The following TNFSF15 variants were observed in gnomAD, a reference collection of about 807,000 sequenced individuals.
TNFSF15 encodes the protein tumor necrosis factor ligand superfamily member 15.
A neutral mutation model predicts 26.4 loss-of-function variants in TNFSF15; 15 were observed. The observed-to-expected ratio is 0.57, with a 90% CI of 0.38 to 0.87. The LOEUF is 0.87. TNFSF15 is among the 40% of genes least tolerant of loss of function. The pLI is 0.00. For synonymous variants in TNFSF15, 116 were observed against 115.0 expected (o/e 1.01, Z -0.06); for missense variants, 290 against 306.1 (o/e 0.95, Z 0.39).
chr9:114,794,962 T>C (rs2131304297), intron 1 of TNFSF15, among the ~76,000 whole-genome samples: 1 of 152,252 alleles, frequency 6.6e-6, no homozygotes, highest in Middle Eastern at 3.4e-3. Flanking sequence ...AGTTCTAATG[T>C]TTGGTAGCAG....
rs115384832 is a variant in TNFSF15, at chr9:114,797,349, A to C, written c.211-3781T>G. Among the ~76,000 whole-genome samples the C allele has an allele frequency of 2.5e-3, 379 of 152,310 alleles. 1 individual carries two copies. Among genetic ancestry groups the C allele is most frequent in the African/African-American group, 8.6e-3 (357 of 41,572 alleles). On this transcript the variant is annotated intron_variant, in intron 1 of 3. Coordinates refer to ENST00000374045, the MANE Select transcript of TNFSF15 (RefSeq NM_005118.4). ...TGCCACTAAACATCTGGAGGTGGTGACCAAGCCTGTTGGCAGATATTGAAG... is the reference window on the plus strand; with the variant it reads ...TGCCACTAAACATCTGGAGGTGGTGCCCAAGCCTGTTGGCAGATATTGAAG...
intron 3 of TNFSF15, chr9:114,792,146 T>C: frequency 2.1e-6 from 1 of 474,926 alleles, no homozygotes; most frequent in Non-Finnish European, 3.8e-6. Flanking sequence ...ATCGCAAAAA[T>C]ATGGAATCAA....
chr9:114,791,127 C>A, intron 3 of TNFSF15: 1 of 608,884 alleles, frequency 1.6e-6, no homozygotes, highest in Non-Finnish European at 2.9e-6. Flanking sequence ...AATTACTTTG[C>A]CTTTCTGAGA....
chr9:114,793,074 A>G (rs963905988), intron 2 of TNFSF15, among the ~76,000 whole-genome samples: 2 of 152,204 alleles, frequency 1.3e-5, no homozygotes, highest in African/African-American at 4.8e-5. Context: ...GCATGGTCTA[A>G]TTACAGTTAT....
intron 3 of TNFSF15, chr9:114,792,134 C>T (rs1829609309): frequency 4.3e-6 from 2 of 462,450 alleles, no homozygotes; most frequent in Non-Finnish European, 7.8e-6. Flanking sequence ...GCACTATTCA[C>T]AATCGCAAAA....
At chr9:114,793,839 C>T (rs747953546) in intron 1 of TNFSF15, among the ~76,000 whole-genome samples, 3 of 152,158 alleles carry the variant, frequency 2.0e-5, no homozygotes, top group Non-Finnish European at 2.9e-5. Context: ...GAGATTTTCT[C>T]GTTCTATTCT....
At chr9:114,791,214 C>T in intron 3 of TNFSF15, 1 of 515,576 alleles carries the variant, frequency 1.9e-6, no homozygotes, top group South Asian at 3.2e-5. Flanking sequence ...TTAAGGAATC[C>T]CCCTATTCTT....
Position 114,787,752 on chromosome 9 carries a change from C to A in TNFSF15, c.*2700G>T, listed in dbSNP as rs1829530720. 6.5e-6 allele frequency: 1 copy of A among 153,672 alleles called. No individual in the cohort carries two copies. Among genetic ancestry groups the A allele is most frequent in the South Asian group, 2.1e-4 (1 of 4,832 alleles). 9.5% of individuals were successfully genotyped at this position (153,672 alleles called of 1,614,324 possible). A position where few individuals can be genotyped will look rare whatever the true frequency, so the allele number is the denominator to read the frequency against. On this transcript the variant is annotated 3_prime_UTR_variant, in exon 4 of 4. Coordinates refer to ENST00000374045, the MANE Select transcript of TNFSF15 (RefSeq NM_005118.4). ...GCCCTATTAGGAATGTCTGACTGTG[C>A]CTTTCCGTAAAAAATATACTATACA...
chr9:114,802,345 C>T (rs1312928770), intron 1 of TNFSF15, among the ~76,000 whole-genome samples: 2 of 152,100 alleles, frequency 1.3e-5, no homozygotes, highest in African/African-American at 2.4e-5. Context: ...CTCCGCCTCC[C>T]GGGTTCAAGT....
chr9:114,790,898 G>T lies in TNFSF15; in HGVS notation c.310C>A (p.Gln104Lys), dbSNP rs550636247. The T allele has an allele frequency of 1.3e-5, 21 of 1,614,004 alleles. No individual in the cohort carries two copies. In the East Asian group the frequency reaches 4.5e-4, roughly 34 times the overall value. Reference sequence around the variant, plus strand: ...TTTTTAAAGTGCTGTGTGGGAGTTTGTCTCACAACTGGAAAGACAAGAAAG... The same window carrying T: ...TTTTTAAAGTGCTGTGTGGGAGTTTTTCTCACAACTGGAAAGACAAGAAAG... ...KPRAHLTVVRQTPTQHFKNQF... is the reference protein window; with the variant it reads ...KPRAHLTVVRKTPTQHFKNQF... Residue 104 changes from glutamine to lysine, a missense_variant, in exon 4 of 4, where the codon CAA (glutamine) becomes AAA (lysine). Coordinates refer to ENST00000374045, the MANE Select transcript of TNFSF15 (RefSeq NM_005118.4).
chr9:114,792,630 C>T, intron 2 of TNFSF15, 176 bp from the exon 3 acceptor site: 1 of 1,414,198 alleles, frequency 7.1e-7, no homozygotes, highest in Non-Finnish European at 9.4e-7. Context: ...CAGCAAGCAC[C>T]ACCAAGGACA....
chr9:114,801,459 C>G (rs1318832047), intron 1 of TNFSF15, among the ~76,000 whole-genome samples: 2 of 152,158 alleles, frequency 1.3e-5, no homozygotes, highest in African/African-American at 2.4e-5. Flanking sequence ...GAAAATCCCT[C>G]TAGTATCAAC....
At chr9:114,805,147 C>G (rs1238380279) in intron 1 of TNFSF15, among the ~76,000 whole-genome samples, 2 of 152,164 alleles carry the variant, frequency 1.3e-5, no homozygotes, top group Non-Finnish European at 2.9e-5. Flanking sequence ...GATAGACAAC[C>G]AGGCAGGAGG....
chr9:114,803,660 T>A (rs1829777295), intron 1 of TNFSF15, among the ~76,000 whole-genome samples: 1 of 152,178 alleles, frequency 6.6e-6, no homozygotes, highest in Non-Finnish European at 1.5e-5. Flanking sequence ...GCCTGGTCAA[T>A]GGGATTGGAT....
intron 2 of TNFSF15, among the ~76,000 whole-genome samples, chr9:114,792,934 G>T (rs1212856423): frequency 6.6e-6 from 1 of 152,120 alleles, no homozygotes; most frequent in Non-Finnish European, 1.5e-5. Flanking sequence ...ATGAAGAGTG[G>T]ATGGGAACTA....
intron 1 of TNFSF15, among the ~76,000 whole-genome samples, chr9:114,797,695 C>T (rs901054993): frequency 5.3e-5 from 8 of 152,144 alleles, no homozygotes; most frequent in African/African-American, 1.2e-4. Flanking sequence ...CTGGGGGCAC[C>T]GAAGAGGTGT....
intron 1 of TNFSF15, among the ~76,000 whole-genome samples, chr9:114,805,217 G>T (rs544296243): frequency 1.1e-3 from 169 of 152,300 alleles, no homozygotes; most frequent in Admixed American, 3.5e-3. Flanking sequence ...AGTGGGTAAA[G>T]AAATTATAGC....
rs1380778849 is a variant in TNFSF15, at chr9:114,784,739, C to T, written c.*5713G>A. ...TCATTTACAGAGATTAGAATTCATA[C>T]ACTAGTACCCAAAGACATGGGATGC... On this transcript the variant is annotated 3_prime_UTR_variant, in exon 4 of 4. Coordinates refer to ENST00000374045, the MANE Select transcript of TNFSF15 (RefSeq NM_005118.4). 1.3e-5 allele frequency: 2 copies of T among 152,172 alleles called. No individual in the cohort carries two copies. Among genetic ancestry groups the T allele is most frequent in the East Asian group, 3.8e-4 (2 of 5,198 alleles). The allele number at this position is 152,172 out of a possible 1,614,324, so 9.4% of individuals were successfully genotyped here. A position where few individuals can be genotyped will look rare whatever the true frequency, so the allele number is the denominator to read the frequency against.
intron 2 of TNFSF15, 103 bp from the exon 3 acceptor site, chr9:114,792,557 G>C: frequency 6.3e-7 from 1 of 1,579,740 alleles, no homozygotes; most frequent in Non-Finnish European, 8.6e-7. Context: ...GAGAAACCTT[G>C]ATCTCCTCCA....
Sources: allele counts gnomAD v4.1 joint callset (sites outside exome capture counted in the v4.1 genomes callset), GRCh38; gene constraint gnomAD v4.1.1; transcripts MANE v1.5; gene names NCBI Gene and HGNC (gene_info 2026-07-23, HGNC 2026-07-21).